The following SIK3 variants were observed in gnomAD, a reference collection of about 807,000 sequenced individuals.
The protein encoded by SIK3 is serine/threonine-protein kinase SIK3.
Under a neutral mutation model 144.2 loss-of-function variants are expected in SIK3, and 28 were observed. That is an observed-to-expected ratio of 0.19 (90% confidence interval 0.14 to 0.27). SIK3 has a LOEUF of 0.27. SIK3 is among the 10% of genes least tolerant of loss of function. The pLI, the probability that SIK3 is intolerant of heterozygous loss-of-function variation, is 1.00. For synonymous variants in SIK3, 686 were observed against 676.3 expected, an observed-to-expected ratio of 1.01 and a Z score of -0.22; for missense variants, 1,319 against 1,776.0, an observed-to-expected ratio of 0.74 and a Z score of 4.62.
chr11:116,926,805 G>C (rs911571420), intron 4 of SIK3, among the ~76,000 whole-genome samples: 2 of 152,170 alleles, frequency 1.3e-5, no homozygotes, highest in African/African-American at 4.8e-5. Flanking sequence ...CAGATCACTT[G>C]AGGTCAGGAG....
At chr11:116,860,632 A>C (rs1343830884) in intron 19 of SIK3, among the ~76,000 whole-genome samples, 4 of 152,218 alleles carry the variant, frequency 2.6e-5, no homozygotes, top group Non-Finnish European at 4.4e-5. Context: ...CTTTATTGAG[A>C]ACTATTTTGT....
At chr11:117,043,189 CG>C (rs1952817865) in intron 1 of SIK3, among the ~76,000 whole-genome samples, 1 of 151,976 alleles carries the variant, frequency 6.6e-6, no homozygotes, top group Non-Finnish European at 1.5e-5. Flanking sequence ...ACCATCCCTC[CG>C]AACGTGCCAT....
rs150411945 is a variant in SIK3, at chr11:117,073,008, G to A, written c.273+25135C>T. 9.5e-4 allele frequency among the ~76,000 whole-genome samples: 144 copies of A among 152,246 alleles called. 1 individual carries two copies. The highest frequency in any genetic ancestry group is 3.3e-3 in the Admixed American group (50 of 15,296). On this transcript the variant is annotated intron_variant, in intron 1 of 24. Coordinates refer to ENST00000445177, the MANE Select transcript of SIK3 (RefSeq NM_001366686.3). The stretch of plus-strand genomic sequence containing the variant: ...TGGGAGAAGAATTCATGATTATGTT[G>A]ATCTCAGTATACTTGGATCCTCCAG...
At chr11:117,033,603 G>GGAGGCT (rs1229184892) in intron 1 of SIK3, among the ~76,000 whole-genome samples, 2 of 151,722 alleles carry the variant, frequency 1.3e-5, no homozygotes, top group African/African-American at 4.8e-5. Context: ...CAGCTACTCA[G>GGAGGCT]GAGGCTGAGG....
chr11:116,922,158 C>T (rs1338177615), intron 4 of SIK3, among the ~76,000 whole-genome samples: 3 of 152,066 alleles, frequency 2.0e-5, no homozygotes, highest in South Asian at 2.1e-4. Context: ...CTTATTCTCT[C>T]GAAGAGAACT....
chr11:117,016,516 C>T (rs559108664), intron 1 of SIK3, among the ~76,000 whole-genome samples: 32 of 151,522 alleles, frequency 2.1e-4, no homozygotes, highest in Non-Finnish European at 2.5e-4. Flanking sequence ...AGAATAAACA[C>T]ATAAGAAAGT....
At chr11:116,904,818 T>A (rs1945940903) in intron 4 of SIK3, 1 of 158,424 alleles carries the variant, frequency 6.3e-6, no homozygotes, top group African/African-American at 2.4e-5. Context: ...GCTCACATGA[T>A]CCTCCCACCT....
intron 4 of SIK3, among the ~76,000 whole-genome samples, chr11:116,916,512 A>ATTTTT (rs372061347): frequency 7.1e-6 from 1 of 141,322 alleles, no homozygotes; most frequent in Admixed American, 7.1e-5. Flanking sequence ...ATCACATCAA[A>ATTTTT]TTTTTTTTTT....
At chr11:116,863,169 T>C (rs949469497) in intron 16 of SIK3, among the ~76,000 whole-genome samples, 5 of 151,520 alleles carry the variant, frequency 3.3e-5, no homozygotes, top group South Asian at 2.1e-4. Context: ...AGGAGAAAAA[T>C]TTAGTCCCTT....
chr11:116,942,005 A>G (rs1948331466), intron 3 of SIK3, among the ~76,000 whole-genome samples: 1 of 152,216 alleles, frequency 6.6e-6, no homozygotes, highest in African/African-American at 2.4e-5. Flanking sequence ...GGATAAGTCA[A>G]TTGAATGAGT....
At chr11:116,989,436 T>C (rs1433494382) in intron 1 of SIK3, among the ~76,000 whole-genome samples, 1 of 152,130 alleles carries the variant, frequency 6.6e-6, no homozygotes, top group Non-Finnish European at 1.5e-5. Context: ...ATAAGCAAAA[T>C]GTTGCTGGCT....
At chr11:117,000,576 C>G (rs150274316) in intron 1 of SIK3, among the ~76,000 whole-genome samples, 3 of 152,272 alleles carry the variant, frequency 2.0e-5, no homozygotes, top group African/African-American at 4.8e-5. Flanking sequence ...AGTGATGTAT[C>G]TTATAAAAGT....
chr11:117,018,716 ATTTAT>A (rs375186531), intron 1 of SIK3, among the ~76,000 whole-genome samples: 4 of 72,968 alleles, frequency 5.5e-5, no homozygotes, highest in East Asian at 3.0e-4. Context: ...ATTTTATTTT[ATTTAT>A]TTTTTTTTTT....
chr11:116,918,897 G>A (rs369859701), intron 4 of SIK3, among the ~76,000 whole-genome samples: 5 of 152,280 alleles, frequency 3.3e-5, no homozygotes, highest in Middle Eastern at 3.4e-3. Flanking sequence ...AAGGGTCAAC[G>A]TGCAGGAAGG....
intron 1 of SIK3, among the ~76,000 whole-genome samples, chr11:116,974,518 G>A (rs2135481487): frequency 6.6e-6 from 1 of 152,150 alleles, no homozygotes; most frequent in East Asian, 1.9e-4. Context: ...ATCCTCCCCA[G>A]CGACTGGGCC....
At chr11:117,016,449 C>T (rs1156716226) in intron 1 of SIK3, among the ~76,000 whole-genome samples, 1 of 77,976 alleles carries the variant, frequency 1.3e-5, no homozygotes, top group Non-Finnish European at 3.3e-5. Flanking sequence ...GGAAGGAATC[C>T]CATGACCTAT....
chr11:117,051,189 T>A (rs896299228), intron 1 of SIK3, among the ~76,000 whole-genome samples: 7 of 152,190 alleles, frequency 4.6e-5, no homozygotes, highest in African/African-American at 1.7e-4. Context: ...TCTCCCACTC[T>A]TGGACATCAA....
At chr11:116,938,567 GGAGGGGAGGGGAGGGGAGGAGAGGA>G (rs1948090355) in intron 3 of SIK3, among the ~76,000 whole-genome samples, 12 of 38,676 alleles carry the variant, frequency 3.1e-4, no homozygotes, top group African/African-American at 1.1e-3. Flanking sequence ...GGAGGGGAGG[GGAGGGGAGGGGAGGGGAGGAGAGGA>G]GAGGGGAGGA....
chr11:117,013,903 G>GTGTGTGTGTGTGTGTGTGT (rs1555127047), intron 1 of SIK3, among the ~76,000 whole-genome samples: 12 of 52,836 alleles, frequency 2.3e-4, no homozygotes, highest in East Asian at 8.0e-4. Flanking sequence ...ATTCTGAGGG[G>GTGTGTGTGTGTGTGTGTGT]GGGGGGGGGA....
Sources: gnomAD v4.1 joint callset for allele counts (sites outside exome capture counted in the v4.1 genomes callset) on GRCh38, gnomAD v4.1.1 for gene constraint, MANE v1.5 for transcripts, NCBI Gene and HGNC (gene_info 2026-07-23, HGNC 2026-07-21) for gene names.